Variants in BAIAP2L1 observed in about 807,000 individuals in gnomAD.
The protein encoded by BAIAP2L1 is BAR/IMD domain-containing adapter protein 2-like 1.
Under a neutral mutation model 66.3 loss-of-function variants are expected in BAIAP2L1, and 35 were observed. The observed-to-expected ratio is 0.53, with a 90% confidence interval of 0.40 to 0.70. BAIAP2L1 has a LOEUF of 0.70. BAIAP2L1 is among the 30% of genes least tolerant of loss of function. The pLI, the probability that BAIAP2L1 is intolerant of heterozygous loss-of-function variation, is 0.00. For missense variants in BAIAP2L1, 622 were observed against 656.9 expected, an observed-to-expected ratio of 0.95 and a Z score of 0.58; for synonymous variants, 269 against 248.7, an observed-to-expected ratio of 1.08 and a Z score of -0.77.
Position 98,292,494 on chromosome 7 carries a change from C to T in BAIAP2L1, c.*1027G>A. 1 of 798,234 alleles carries T rather than the reference C, an allele frequency of 1.3e-6. No individual in the cohort carries two copies. The highest frequency in any genetic ancestry group is 2.0e-6 in the Non-Finnish European group (1 of 496,678). The allele number at this position is 798,234 out of a possible 1,614,324, so 49.4% of individuals were successfully genotyped here. On this transcript the variant is annotated 3_prime_UTR_variant, in exon 14 of 14. Transcript: ENST00000005260. ...GAATTTTAACCATGACTCTCCACTC[C>T]AAAATAGGTCCAGATCCTTGGCAGC...
intron 1 of BAIAP2L1, among the ~76,000 whole-genome samples, chr7:98,367,235 A>G (rs1802406511): frequency 6.6e-6 from 1 of 152,160 alleles, no homozygotes; most frequent in Non-Finnish European, 1.5e-5. Context: ...GCTTCCTGCA[A>G]TGGTATCTTC....
intron 1 of BAIAP2L1, among the ~76,000 whole-genome samples, chr7:98,369,663 ATTTTTTTTTT>A (rs71112146): frequency 1.9e-5 from 2 of 103,850 alleles, no homozygotes; most frequent in East Asian, 2.9e-4. Flanking sequence ...TGATTTCCTA[ATTTTTTTTTT>A]TTTTTTTTTT....
At position 98,292,065 on chromosome 7, in the gene BAIAP2L1, G is replaced by A. The variant is rs1340373135; in HGVS notation, c.*1456C>T. On this transcript the variant is annotated 3_prime_UTR_variant, in exon 14 of 14. Coordinates refer to ENST00000005260, the MANE Select transcript of BAIAP2L1 (RefSeq NM_018842.5). ...CAGCCCCTTCATGGTGGGGGTGCCTGGTTTGTCCTCCCAGGAGAAGCAGAT... is the reference window on the plus strand; with the variant it reads ...CAGCCCCTTCATGGTGGGGGTGCCTAGTTTGTCCTCCCAGGAGAAGCAGAT... The A allele has an allele frequency of 6.5e-6, 1 of 153,552 alleles. No individual in the cohort carries two copies. The highest frequency in any genetic ancestry group is 2.4e-5 in the African/African-American group (1 of 41,472). The allele number at this position is 153,552 out of a possible 1,614,324, so 9.5% of individuals were successfully genotyped here.
intron 1 of BAIAP2L1, among the ~76,000 whole-genome samples, chr7:98,370,762 A>G (rs1465888330): frequency 3.3e-5 from 5 of 152,050 alleles, no homozygotes; most frequent in Non-Finnish European, 5.9e-5. Context: ...CGGCCTCCCA[A>G]AGTGCTGGGA....
At chr7:98,389,765 C>T (rs1324508421) in intron 1 of BAIAP2L1, among the ~76,000 whole-genome samples, 1 of 152,112 alleles carries the variant, frequency 6.6e-6, no homozygotes, top group Non-Finnish European at 1.5e-5. Flanking sequence ...ACTTTTTGCT[C>T]TACACATTCA....
At chr7:98,332,319 G>A (rs536176421) in intron 3 of BAIAP2L1, among the ~76,000 whole-genome samples, 3 of 133,334 alleles carry the variant, frequency 2.2e-5, no homozygotes, top group Non-Finnish European at 4.6e-5. Context: ...GGAGGCAGAG[G>A]TTGCAGTGAC....
At chr7:98,326,204 G>A (rs1299591641) in intron 3 of BAIAP2L1, among the ~76,000 whole-genome samples, 1 of 152,190 alleles carries the variant, frequency 6.6e-6, no homozygotes, top group Non-Finnish European at 1.5e-5. Flanking sequence ...TTGAGCCCAG[G>A]AGGCTGAGGT....
In BAIAP2L1 at chr7:98,356,994, C is replaced by CA. The variant is rs1171832329; in HGVS notation, c.128-1867dup. ...GTGGGCAAGAGTGAGGCCCCTGTCTCAAAAAAAAAAAAAAAAAAAAAAAAA... is the reference window on the plus strand; with the variant it reads ...GTGGGCAAGAGTGAGGCCCCTGTCTCAAAAAAAAAAAAAAAAAAAAAAAAAA... On this transcript the variant is annotated intron_variant, in intron 2 of 13. Transcript: ENST00000005260. 4.5e-3 allele frequency among the ~76,000 whole-genome samples: 11 copies of CA among 2,426 alleles called. 2 individuals carry two copies. Among genetic ancestry groups the CA allele is most frequent in the East Asian group, 0.031 (2 of 64 alleles). The allele number at this position is 2,426 out of a possible 152,430, so 1.6% of individuals were successfully genotyped here. A position where few individuals can be genotyped will look rare whatever the true frequency, so the allele number is the denominator to read the frequency against.
chr7:98,305,781 G>GA (rs1409439779), intron 11 of BAIAP2L1, among the ~76,000 whole-genome samples: 2 of 152,140 alleles, frequency 1.3e-5, no homozygotes, highest in Non-Finnish European at 2.9e-5. Context: ...AGAATTAAGT[G>GA]AAAAAATCAA....
Position 98,305,368 on chromosome 7 carries a change from T to C in BAIAP2L1, c.1242-992A>G, listed in dbSNP as rs1800615661. Reference sequence around the variant, plus strand: ...ACTTGAAATTTTAACATCCTAAAAGTGTTACTCAGTTTTTGTTCCCCAGCA... The same window carrying C: ...ACTTGAAATTTTAACATCCTAAAAGCGTTACTCAGTTTTTGTTCCCCAGCA... On this transcript the variant is annotated intron_variant, in intron 11 of 13. Transcript: ENST00000005260. Among the ~76,000 whole-genome samples, 3 of 151,000 alleles carry C rather than the reference T, an allele frequency of 2.0e-5. No homozygotes were observed. In the South Asian group the frequency reaches 6.3e-4, roughly 32 times the overall value.
In BAIAP2L1 at chr7:98,400,820, G is replaced by A. The variant is rs1803352648; in HGVS notation, c.33C>T (p.Leu11=). 3 of 1,548,204 alleles carry A rather than the reference G, an allele frequency of 1.9e-6. No individual in the cohort carries two copies. The highest frequency in any genetic ancestry group is 2.0e-5 in the Admixed American group (1 of 51,064). Residue 11 remains leucine, a synonymous_variant, in exon 1 of 14, where the codon CTC becomes CTT. Transcript: ENST00000005260. MSRGPEEVNR[L]TESTYRNVME... The stretch of plus-strand genomic sequence containing the variant: ...GGCTTACCCGGTAGGTGCTCTCCGT[G>A]AGCCGGTTCACCTCCTCGGGCCCCC...
chr7:98,352,029 C>T (rs1160087432), intron 3 of BAIAP2L1, among the ~76,000 whole-genome samples: 1 of 151,812 alleles, frequency 6.6e-6, no homozygotes, highest in Non-Finnish European at 1.5e-5. Context: ...AACGGAGTAA[C>T]TAGACAATAA....
intron 1 of BAIAP2L1, among the ~76,000 whole-genome samples, chr7:98,369,270 C>T (rs1398618999): frequency 1.3e-5 from 2 of 152,022 alleles, no homozygotes; most frequent in Admixed American, 1.3e-4. Flanking sequence ...GCTGTTTGAG[C>T]CCAGGAATTC....
intron 1 of BAIAP2L1, among the ~76,000 whole-genome samples, chr7:98,370,372 CAAAAAA>C (rs397890051): frequency 2.9e-5 from 3 of 103,370 alleles, no homozygotes; most frequent in East Asian, 5.8e-4. Flanking sequence ...GGCTCCGTCT[CAAAAAA>C]AAAAAAAAAA....
chr7:98,380,011 A>G (rs1460266227), intron 1 of BAIAP2L1, among the ~76,000 whole-genome samples: 1 of 152,186 alleles, frequency 6.6e-6, no homozygotes, highest in African/African-American at 2.4e-5. Context: ...TAAATTTACT[A>G]ACAACCATTA....
At chr7:98,357,046 TA>T (rs1474431662) in intron 2 of BAIAP2L1, among the ~76,000 whole-genome samples, 1 of 12,614 alleles carries the variant, frequency 7.9e-5, no homozygotes, top group Non-Finnish European at 1.4e-4. Flanking sequence ...TATATATATA[TA>T]TATTTTTTTT....
intron 3 of BAIAP2L1, among the ~76,000 whole-genome samples, chr7:98,343,768 G>C (rs1801804846): frequency 1.3e-5 from 2 of 152,162 alleles, no homozygotes; most frequent in Admixed American, 1.3e-4. Flanking sequence ...CTGGGTAAGG[G>C]CCAAATTGCA....
At chr7:98,379,722 GAAT>G (rs145529359) in intron 1 of BAIAP2L1, among the ~76,000 whole-genome samples, 1,796 of 152,114 alleles carry the variant, frequency 0.012, 37 homozygotes, top group African/African-American at 0.041. Context: ...CCATTTAATA[GAAT>G]ATTATTCAGC....
At chr7:98,371,326 G>A (rs1054576730) in intron 1 of BAIAP2L1, among the ~76,000 whole-genome samples, 1 of 152,140 alleles carries the variant, frequency 6.6e-6, no homozygotes, top group South Asian at 2.1e-4. Flanking sequence ...GGCATGCATA[G>A]TTATGGTTGC....
Sources: allele counts gnomAD v4.1 joint callset (sites outside exome capture counted in the v4.1 genomes callset), GRCh38; gene constraint gnomAD v4.1.1; transcripts MANE v1.5; gene names NCBI Gene and HGNC (gene_info 2026-07-23, HGNC 2026-07-21).